The following CFAP299 variants were observed in gnomAD, a reference collection of about 807,000 sequenced individuals.
CFAP299 encodes the protein cilia and flagella associated protein 299.
Under a neutral mutation model 27.0 loss-of-function variants are expected in CFAP299, and 21 were observed. The observed-to-expected ratio is 0.78, with a 90% CI of 0.55 to 1.12. The LOEUF is 1.12. Among genes scored for constraint, CFAP299 ranks in the 50% most tolerant of loss-of-function variants. CFAP299 has a pLI of 0.00. For synonymous variants in CFAP299, 104 were observed against 98.1 expected (o/e 1.06, Z -0.36); for missense variants, 310 against 276.6 (o/e 1.12, Z -0.86).
intron 2 of CFAP299, among the ~76,000 whole-genome samples, chr4:80,414,227 C>T (rs1238382653): frequency 2.6e-5 from 4 of 151,132 alleles, no homozygotes; most frequent in African/African-American, 9.7e-5. Context: ...CCCGCCACTA[C>T]GCCCGGCTAA....
intron 3 of CFAP299, among the ~76,000 whole-genome samples, chr4:80,727,754 A>T: frequency 6.6e-6 from 1 of 151,902 alleles, no homozygotes; most frequent in Non-Finnish European, 1.5e-5. Flanking sequence ...TCATTTCAGG[A>T]TGTTGCTCAA....
chr4:80,874,081 C>T (rs1733249222), intron 4 of CFAP299, among the ~76,000 whole-genome samples: 1 of 152,134 alleles, frequency 6.6e-6, no homozygotes, highest in South Asian at 2.1e-4. Context: ...ATTCTGGTAA[C>T]ATATTGGCTG....
Position 80,799,810 on chromosome 4 carries a change from AAT to A in CFAP299, c.334-70174_334-70173del, listed in dbSNP as rs1223365090. The stretch of plus-strand genomic sequence containing the variant: ...TATATATTATATTATATAATATATA[AAT>A]ATATATATTATATATATTTATATAT... On this transcript the variant is annotated intron_variant, in intron 3 of 5. Coordinates refer to ENST00000358105, the MANE Select transcript of CFAP299 (RefSeq NM_152770.3). Among the ~76,000 whole-genome samples the A allele has an allele frequency of 1.3e-3, 34 of 26,034 alleles. No individual in the cohort carries two copies. In the South Asian group the frequency reaches 0.031, roughly 24 times the overall value. 17.1% of individuals were successfully genotyped at this position (26,034 alleles called of 152,430 possible).
At chr4:80,631,771 A>G (rs764344159) in intron 3 of CFAP299, among the ~76,000 whole-genome samples, 76 of 152,100 alleles carry the variant, frequency 5.0e-4, no homozygotes, top group Non-Finnish European at 9.7e-4. Flanking sequence ...AACAATAATA[A>G]AAGAATTTTG....
chr4:80,866,059 T>TTATATA (rs70956073), intron 3 of CFAP299, among the ~76,000 whole-genome samples: 1,598 of 58,208 alleles, frequency 0.027, 119 homozygotes, highest in Middle Eastern at 0.053. Flanking sequence ...ACTTAAAGTA[T>TTATATA]TATATATATA....
intron 2 of CFAP299, among the ~76,000 whole-genome samples, chr4:80,373,672 C>T (rs1724263546): frequency 6.6e-6 from 1 of 152,116 alleles, no homozygotes; most frequent in African/African-American, 2.4e-5. Flanking sequence ...GGTCATTGGG[C>T]ACATTACATC....
chr4:80,663,845 G>A (rs1740996343), intron 3 of CFAP299, among the ~76,000 whole-genome samples: 1 of 152,118 alleles, frequency 6.6e-6, no homozygotes, highest in Non-Finnish European at 1.5e-5. Flanking sequence ...TGGTGAGATG[G>A]TATCTCACTG....
chr4:80,725,537 G>A (rs1217579621), intron 3 of CFAP299, among the ~76,000 whole-genome samples: 2 of 152,114 alleles, frequency 1.3e-5, no homozygotes, highest in African/African-American at 4.8e-5. Flanking sequence ...CACCATGGGG[G>A]TATTGTGTGG....
intron 3 of CFAP299, among the ~76,000 whole-genome samples, chr4:80,780,108 T>C (rs1726786591): frequency 2.0e-5 from 3 of 152,026 alleles, no homozygotes; most frequent in Admixed American, 2.0e-4. Flanking sequence ...TTATTCCTTG[T>C]CTGGAATGGT....
intron 2 of CFAP299, among the ~76,000 whole-genome samples, chr4:80,474,645 T>G (rs1002187282): frequency 1.3e-5 from 2 of 152,222 alleles, no homozygotes; most frequent in African/African-American, 4.8e-5. Flanking sequence ...CAAAGAAGAA[T>G]AAAATTGAGT....
intron 3 of CFAP299, among the ~76,000 whole-genome samples, chr4:80,723,888 C>A (rs949742580): frequency 1.3e-5 from 2 of 151,892 alleles, no homozygotes; most frequent in African/African-American, 4.8e-5. Flanking sequence ...AATTCAAAAT[C>A]ATTTTGTTAT....
chr4:80,840,339 C>T (rs1730793970), intron 3 of CFAP299, among the ~76,000 whole-genome samples: 1 of 151,990 alleles, frequency 6.6e-6, no homozygotes, highest in African/African-American at 2.4e-5. Flanking sequence ...AAACAAAAAG[C>T]AGAAAGAACT....
At chr4:80,591,105 A>ATTTTTTTTT (rs70944795) in intron 3 of CFAP299, among the ~76,000 whole-genome samples, 4 of 126,860 alleles carry the variant, frequency 3.2e-5, no homozygotes, top group East Asian at 2.3e-4. Flanking sequence ...ACTTTAGGAA[A>ATTTTTTTTT]TTTTTTTTTT....
chr4:80,688,557 C>G (rs2110013119), intron 3 of CFAP299, among the ~76,000 whole-genome samples: 1 of 152,298 alleles, frequency 6.6e-6, no homozygotes, highest in African/African-American at 2.4e-5. Context: ...TCACCATCAT[C>G]AAAGACAAAA....
At chr4:80,554,640 G>C (rs1464422733) in intron 2 of CFAP299, among the ~76,000 whole-genome samples, 1 of 150,956 alleles carries the variant, frequency 6.6e-6, no homozygotes, top group African/African-American at 2.4e-5. Context: ...AGCATGAGAT[G>C]TTTTTCCATT....
intron 1 of CFAP299, among the ~76,000 whole-genome samples, chr4:80,355,325 C>A (rs1723216024): frequency 7.9e-6 from 1 of 126,174 alleles, no homozygotes; most frequent in Non-Finnish European, 1.7e-5. Context: ...ACATGTATGT[C>A]TTCTTTTGAA....
At chr4:80,764,689 C>T (rs1043950538) in intron 3 of CFAP299, among the ~76,000 whole-genome samples, 1 of 152,074 alleles carries the variant, frequency 6.6e-6, no homozygotes, top group Non-Finnish European at 1.5e-5. Flanking sequence ...GACTTGGAAC[C>T]AACCCAAATG....
chr4:80,591,841 A>G (rs911861048), intron 3 of CFAP299, among the ~76,000 whole-genome samples: 1 of 152,200 alleles, frequency 6.6e-6, no homozygotes, highest in East Asian at 1.9e-4. Context: ...TTAGAGTTCA[A>G]TTTGTGGTTT....
intron 3 of CFAP299, among the ~76,000 whole-genome samples, chr4:80,695,234 A>G (rs1000394123): frequency 1.3e-5 from 2 of 152,218 alleles, no homozygotes; most frequent in African/African-American, 4.8e-5. Context: ...TATTTTGGAT[A>G]CTTCTAGATA....
Sources: gnomAD v4.1 joint callset for allele counts (sites outside exome capture counted in the v4.1 genomes callset) on GRCh38, gnomAD v4.1.1 for gene constraint, MANE v1.5 for transcripts, NCBI Gene and HGNC (gene_info 2026-07-23, HGNC 2026-07-21) for gene names.